Variants in ADAMTSL1 observed in about 807,000 individuals in gnomAD.
ADAMTSL1 encodes ADAMTS like 1.
A neutral mutation model predicts 201.8 loss-of-function variants in ADAMTSL1; 126 were observed. The ratio of observed to expected loss-of-function variants is 0.62; its 90% CI spans 0.54 to 0.72. The LOEUF is 0.72. ADAMTSL1 is among the 30% of genes least tolerant of loss of function. The pLI is 0.00. For synonymous variants in ADAMTSL1, 1,121 were observed against 903.4 expected, an observed-to-expected ratio of 1.24 and a Z score of -4.32; for missense variants, 2,679 against 2,277.8, an observed-to-expected ratio of 1.18 and a Z score of -3.59.
chr9:18,628,151 C>T (rs1826514475), intron 5 of ADAMTSL1, among the ~76,000 whole-genome samples: 1 of 151,746 alleles, frequency 6.6e-6, no homozygotes, highest in Non-Finnish European at 1.5e-5. Context: ...CTTTTAATGT[C>T]ATGTCTAAGA....
chr9:18,469,769 A>G (rs187599981), upstream of ADAMTSL1, among the ~76,000 whole-genome samples: 23 of 152,372 alleles, frequency 1.5e-4, no homozygotes, highest in Admixed American at 6.5e-4. Context: ...ACAAGCAGAC[A>G]GAGCAAAGTG....
intron 2 of ADAMTSL1, among the ~76,000 whole-genome samples, chr9:18,375,064 G>C (rs1837225982): frequency 6.6e-6 from 1 of 152,198 alleles, no homozygotes; most frequent in African/African-American, 2.4e-5. Flanking sequence ...TCAAAGTAAA[G>C]GGATCAGCCT....
intron 7 of ADAMTSL1, among the ~76,000 whole-genome samples, chr9:18,648,425 T>C (rs1272921936): frequency 6.6e-6 from 1 of 152,194 alleles, no homozygotes; most frequent in East Asian, 1.9e-4. Flanking sequence ...TTTGATCCTG[T>C]CATTATGATG....
intron 23 of ADAMTSL1, among the ~76,000 whole-genome samples, chr9:18,877,758 G>C (rs1828259958): frequency 6.6e-6 from 1 of 152,130 alleles, no homozygotes; most frequent in African/African-American, 2.4e-5. Context: ...TGGTAGTATA[G>C]GGAGTATACA....
At chr9:18,280,930 C>T (rs1011302969) in intron 2 of ADAMTSL1, among the ~76,000 whole-genome samples, 1 of 143,450 alleles carries the variant, frequency 7.0e-6, no homozygotes, top group African/African-American at 2.6e-5. Flanking sequence ...GACTGAAGTG[C>T]GGTGGCATGA....
chr9:18,398,209 C>T (rs1817827921), intron 2 of ADAMTSL1, among the ~76,000 whole-genome samples: 1 of 152,152 alleles, frequency 6.6e-6, no homozygotes, highest in Non-Finnish European at 1.5e-5. Context: ...CCAGTGAATA[C>T]CCTGATGCTT....
intron 1 of ADAMTSL1, among the ~76,000 whole-genome samples, chr9:17,942,909 A>G (rs1031325031): frequency 3.9e-5 from 6 of 152,090 alleles, no homozygotes; most frequent in Admixed American, 6.6e-5. Context: ...GCATACTACA[A>G]TGTAACTTCT....
intron 1 of ADAMTSL1, among the ~76,000 whole-genome samples, chr9:18,044,044 T>C (rs1001304107): frequency 2.0e-5 from 3 of 149,652 alleles, no homozygotes; most frequent in Non-Finnish European, 3.0e-5. Context: ...TTGGGAACCA[T>C]TGTTATCATT....
intron 14 of ADAMTSL1, among the ~76,000 whole-genome samples, chr9:18,710,490 T>C (rs1832498903): frequency 6.6e-6 from 1 of 152,142 alleles, no homozygotes; most frequent in Non-Finnish European, 1.5e-5. Context: ...GGACTGCTTC[T>C]TAGTCTCAGC....
chr9:18,783,559 G>A (rs971160204), intron 19 of ADAMTSL1, among the ~76,000 whole-genome samples: 1 of 152,138 alleles, frequency 6.6e-6, no homozygotes, highest in Admixed American at 6.6e-5. Flanking sequence ...TTTAGACCAG[G>A]GGTTGGCAAA....
intron 3 of ADAMTSL1, among the ~76,000 whole-genome samples, chr9:18,558,156 C>A (rs1373319809): frequency 2.6e-5 from 4 of 152,142 alleles, no homozygotes; most frequent in Non-Finnish European, 4.4e-5. Context: ...CTATCCCTCC[C>A]CTAGTCCTGC....
rs1276313433 is a variant in ADAMTSL1 at position 18,181,328 on chromosome 9, T to C, written c.207+17347T>C. On this transcript the variant is annotated intron_variant, in intron 2 of 29. Coordinates refer to the ADAMTSL1 transcript ENST00000680146. ...AAGAGCTTCTGCACAGCAAAAGAAA[T>C]TACCATCAGAGTGAACAGGCAATCT... is the stretch of plus-strand genomic sequence containing the variant. 1.2e-4 allele frequency among the ~76,000 whole-genome samples: 19 copies of C among 152,114 alleles called. 1 individual carries two copies. The highest frequency in any genetic ancestry group is 6.5e-4 in the Admixed American group (10 of 15,280).
intron 1 of ADAMTSL1, among the ~76,000 whole-genome samples, chr9:17,956,863 T>C (rs1827951907): frequency 1.3e-5 from 2 of 152,184 alleles, no homozygotes; most frequent in African/African-American, 4.8e-5. Context: ...TATATTTCAT[T>C]GGGGCTATTG....
intron 1 of ADAMTSL1, among the ~76,000 whole-genome samples, chr9:18,503,213 C>G (rs1180798683): frequency 6.6e-6 from 1 of 151,768 alleles, no homozygotes; most frequent in East Asian, 1.9e-4. Flanking sequence ...ATTCCCCTCT[C>G]TCCCAGTGCC....
intron 2 of ADAMTSL1, among the ~76,000 whole-genome samples, chr9:18,442,668 G>A (rs897757923): frequency 6.6e-6 from 1 of 152,184 alleles, no homozygotes; most frequent in African/African-American, 2.4e-5. Flanking sequence ...TTCACAATTA[G>A]TTGAGTAACA....
chr9:18,367,691 T>C (rs1354963232), intron 2 of ADAMTSL1, among the ~76,000 whole-genome samples: 1 of 152,208 alleles, frequency 6.6e-6, no homozygotes, highest in Middle Eastern at 3.4e-3. Flanking sequence ...ATTATCACCA[T>C]TTTGAACAGT....
At chr9:18,281,683 C>A (rs1203978074) in intron 2 of ADAMTSL1, among the ~76,000 whole-genome samples, 1 of 152,224 alleles carries the variant, frequency 6.6e-6, no homozygotes, top group African/African-American at 2.4e-5. Context: ...AGGGCTCAGA[C>A]AACCTGTTCC....
intron 20 of ADAMTSL1, among the ~76,000 whole-genome samples, chr9:18,812,542 T>G (rs889198253): frequency 6.6e-6 from 1 of 152,224 alleles, no homozygotes; most frequent in Non-Finnish European, 1.5e-5. Context: ...GTTCTTAAAC[T>G]TGCTATCAAA....
In ADAMTSL1 at chr9:18,211,503, A is replaced by G. The variant is rs559924591; in HGVS notation, c.207+47522A>G. On this transcript the variant is annotated intron_variant, in intron 2 of 29. Transcript: ENST00000680146. ...TTGTTTAAAAACAGCAAACAAAACA[A>G]AAAACCTCTCTAGGACTCTCTTCTG... is the stretch of plus-strand genomic sequence containing the variant. Among the ~76,000 whole-genome samples, 25 of 152,290 alleles carry G rather than the reference A, an allele frequency of 1.6e-4. No individual in the cohort carries two copies. In the East Asian group the frequency reaches 4.8e-3, roughly 29 times the overall value.
Sources: allele counts gnomAD v4.1 joint callset (sites outside exome capture counted in the v4.1 genomes callset), GRCh38; gene constraint gnomAD v4.1.1; transcripts MANE v1.5; gene names NCBI Gene and HGNC (gene_info 2026-07-23, HGNC 2026-07-21).